The following PRSS53 variants were observed in gnomAD, a reference collection of about 807,000 sequenced individuals.
The protein encoded by PRSS53 is EDTP308.
A neutral mutation model predicts 62.7 loss-of-function variants in PRSS53; 54 were observed. The observed-to-expected ratio is 0.86, with a 90% CI of 0.69 to 1.08. PRSS53 has a LOEUF of 1.08. Ranked by LOEUF, PRSS53 falls within the 50% of genes least tolerant of loss-of-function variation. PRSS53 has a pLI of 0.00. For missense variants in PRSS53, 688 were observed against 728.3 expected (o/e 0.94, Z 0.64); for synonymous variants, 273 against 300.0 (o/e 0.91, Z 0.93).
chr16:31,083,715 G>C, exon 11 of PRSS53: 4 of 1,612,208 alleles, frequency 2.5e-6, no homozygotes, highest in Non-Finnish European at 3.4e-6. Flanking sequence ...ACACATGACA[G>C]GGTGGGGAGG....
At chr16:31,086,577 T>C in intron 4 of PRSS53, 56 bp downstream of exon 4, 1 of 1,553,804 alleles carries the variant, frequency 6.4e-7, no homozygotes, top group Non-Finnish European at 8.7e-7. Context: ...GAGCTGAGAC[T>C]GTGACGCTGG....
At chr16:31,086,560 CAGTT>C in intron 4 of PRSS53, 69 bp from the exon 5 acceptor site, 2 of 1,564,650 alleles carry the variant, frequency 1.3e-6, no homozygotes, top group Non-Finnish European at 1.7e-6. Context: ...GAAGCCAGGA[CAGTT>C]GGGAGCTGAG....
chr16:31,087,459 G>T, intron 3 of PRSS53, 78 bp downstream of exon 3: 1 of 1,065,408 alleles, frequency 9.4e-7, no homozygotes, highest in Non-Finnish European at 1.4e-6. Context: ...TAGAGGCAGG[G>T]ACTAGCCTTG....
chr16:31,086,089 T>C (rs2057230242), exon 6 of PRSS53: 1 of 1,613,684 alleles, frequency 6.2e-7, no homozygotes, highest in Non-Finnish European at 8.5e-7. Context: ...CACAGGAGCG[T>C]CCTCCTGGGC....
chr16:31,087,502 G>T, intron 3 of PRSS53, 35 bp downstream of exon 3: 1 of 1,554,740 alleles, frequency 6.4e-7, no homozygotes, highest in Middle Eastern at 1.7e-4. Context: ...ACTCCCCAGA[G>T]CCGGAGACCC....
chr16:31,086,481 G>C (rs61743027), exon 5 of PRSS53: 2 of 1,612,002 alleles, frequency 1.2e-6, no homozygotes, highest in African/African-American at 2.7e-5. Flanking sequence ...GATTGCGTAG[G>C]GTCCCAGGAG....
At position 31,084,193 on chromosome 16, in the gene PRSS53, C is replaced by T. The variant is rs751971327; in HGVS notation, c.1568G>A (p.Ser523Asn). Reference sequence around the variant, plus strand: ...GGCGAAGTAGACCTGCCAGTCCAAACTGCTGACCCAGTCCTCATAGGCAGG... The same window carrying T: ...GGCGAAGTAGACCTGCCAGTCCAAATTGCTGACCCAGTCCTCATAGGCAGG... The change falls in exon 10 of 11, where the codon AGT becomes AAT. Residue 523 changes from serine to asparagine, a missense_variant. Coordinates refer to ENST00000280606, the Ensembl canonical transcript of PRSS53. 3.7e-6 allele frequency: 6 copies of T among 1,610,154 alleles called. No homozygotes were observed. The highest frequency in any genetic ancestry group is 2.2e-5 in the East Asian group (1 of 44,802).
chr16:31,087,710 G>T lies in PRSS53; in HGVS notation c.80-11C>A. On this transcript the variant is annotated splice_polypyrimidine_tract_variant and intron_variant, in intron 2 of 10. Coordinates refer to ENST00000280606, the Ensembl canonical transcript of PRSS53. ...CACGCTGTCCACAGGCTGTGGAAAG[G>T]AGTTAGTCACACTGACAGCAGATAC... The T allele has an allele frequency of 6.2e-7, 1 of 1,613,796 alleles. No individual in the cohort carries two copies. The highest frequency in any genetic ancestry group is 8.5e-7 in the Non-Finnish European group (1 of 1,179,882).
At chr16:31,086,850 C>A in exon 4 of PRSS53, 2 of 1,610,206 alleles carry the variant, frequency 1.2e-6, no homozygotes, top group South Asian at 2.2e-5. Flanking sequence ...CCTCACGCTG[C>A]AGAGAACCCA....
intron 1 of PRSS53, chr16:31,088,068 G>A (rs1377208945): frequency 1.3e-5 from 18 of 1,415,172 alleles, no homozygotes; most frequent in Non-Finnish European, 1.7e-5. Flanking sequence ...GGGGCTTGGG[G>A]TTCAGCTTGG....
Position 31,085,101 on chromosome 16 carries a change from A to G in PRSS53, c.1034+9T>C. The G allele has an allele frequency of 6.2e-7, 1 of 1,613,112 alleles. No homozygotes were observed. The highest frequency in any genetic ancestry group is 2.2e-5 in the East Asian group (1 of 44,868). ...CAGGGGGCACAGCAGAGAGGGATCC[A>G]AGACTCACCCAATGAAGCAGTGGGC... On this transcript the variant is annotated intron_variant, in intron 7 of 10. Coordinates refer to ENST00000280606, the Ensembl canonical transcript of PRSS53.
exon 4 of PRSS53, chr16:31,086,804 C>A (rs769305312): frequency 6.2e-7 from 1 of 1,613,594 alleles, no homozygotes; most frequent in Non-Finnish European, 8.5e-7. Context: ...AACTGCAGGG[C>A]AGCCACCCCC....
At chr16:31,083,735 GT>G (rs1212799576) in exon 11 of PRSS53, 15 of 1,613,836 alleles carry the variant, frequency 9.3e-6, no homozygotes, top group Non-Finnish European at 1.3e-5. Context: ...GACAGGGGCA[GT>G]AATGCCATTT....
chr16:31,083,557 G>A (rs2057193648), exon 11 of PRSS53: 5 of 1,434,504 alleles, frequency 3.5e-6, no homozygotes, highest in African/African-American at 1.4e-5. Flanking sequence ...GAGGAGGAAA[G>A]CTGAGACGCC....
chr16:31,086,311 T>C (rs1490998766), intron 5 of PRSS53, 26 bp downstream of exon 5: 2 of 1,596,272 alleles, frequency 1.3e-6, no homozygotes, highest in African/African-American at 2.7e-5. Context: ...CCTCCCCTTC[T>C]GCTCCTTCTC....
At chr16:31,087,469 G>A (rs759070586) in intron 3 of PRSS53, 68 bp downstream of exon 3, 19 of 1,239,570 alleles carry the variant, frequency 1.5e-5, no homozygotes, top group African/African-American at 3.0e-5. Context: ...GACTAGCCTT[G>A]TGGGGCTTGA....
At chr16:31,084,242 T>C in exon 10 of PRSS53, 1 of 1,611,906 alleles carries the variant, frequency 6.2e-7, no homozygotes, top group Non-Finnish European at 8.5e-7. Context: ...ACCGCCGGCC[T>C]GGCGGGGCCT....
At chr16:31,083,755 G>A in exon 11 of PRSS53, 2 of 1,614,072 alleles carry the variant, frequency 1.2e-6, no homozygotes, top group East Asian at 4.5e-5. Context: ...TTGCCTGCCT[G>A]CATTCTCTTG....
At chr16:31,086,175 G>A (rs747684178) in exon 6 of PRSS53, 63 of 1,610,804 alleles carry the variant, frequency 3.9e-5, no homozygotes, top group African/African-American at 4.0e-5. Flanking sequence ...CAGGGCCCCC[G>A]GAATCTCCCT....
Sources: allele counts gnomAD v4.1 joint callset, GRCh38; gene constraint gnomAD v4.1.1; transcripts MANE v1.5; gene names NCBI Gene and HGNC (gene_info 2026-07-23, HGNC 2026-07-21).